Variants in LEPR observed in about 807,000 individuals in gnomAD.
LEPR encodes the protein OB receptor.
A neutral mutation model predicts 114.7 loss-of-function variants in LEPR; 56 were observed. That is an observed-to-expected ratio of 0.49 (90% CI 0.39 to 0.61). The LOEUF is 0.61. Among genes scored for constraint, LEPR ranks in the 20% least tolerant of loss-of-function variants. LEPR has a pLI of 0.00. For missense variants in LEPR, 1,202 were observed against 1,352.9 expected (o/e 0.89, Z 1.75); for synonymous variants, 443 against 461.4 (o/e 0.96, Z 0.51).
At chr1:65,505,578 A>G (rs1280970488) in intron 2 of LEPR, among the ~76,000 whole-genome samples, 4 of 151,968 alleles carry the variant, frequency 2.6e-5, no homozygotes, top group African/African-American at 7.3e-5. Flanking sequence ...GTTTTAACCC[A>G]AGTCTTTCCC....
At chr1:65,607,955 C>T (rs752512708) in intron 11 of LEPR, among the ~76,000 whole-genome samples, 2 of 152,170 alleles carry the variant, frequency 1.3e-5, no homozygotes, top group Non-Finnish European at 2.9e-5. Flanking sequence ...ATATACGTAT[C>T]TATTTTAAAA....
chr1:65,473,591 G>C (rs533456238), intron 2 of LEPR, among the ~76,000 whole-genome samples: 6 of 152,268 alleles, frequency 3.9e-5, no homozygotes, highest in African/African-American at 1.4e-4. Flanking sequence ...GATTTAGGTA[G>C]ATTTGACACC....
intron 2 of LEPR, chr1:65,431,841 T>G (rs1163900471): frequency 1.2e-6 from 2 of 1,614,012 alleles, no homozygotes; most frequent in Non-Finnish European, 1.7e-6. Context: ...TGGCAGGCAA[T>G]GCAGTCATTT....
intron 2 of LEPR, chr1:65,435,431 G>C (rs1250974169): frequency 1.5e-6 from 1 of 654,928 alleles, no homozygotes; most frequent in Non-Finnish European, 1.9e-6. Flanking sequence ...GCAGTGGTGC[G>C]ATCTTGGCTC....
chr1:65,520,377 T>A (rs1443893927), intron 2 of LEPR, among the ~76,000 whole-genome samples: 1 of 152,188 alleles, frequency 6.6e-6, no homozygotes, highest in Admixed American at 6.5e-5. Context: ...CCAAGAAATA[T>A]GCTTTTATTA....
In LEPR at chr1:65,596,511, C is replaced by T. The variant is rs761468512; in HGVS notation, c.767C>T (p.Ser256Phe). Residue 256 changes from serine to phenylalanine, a missense_variant, in exon 7 of 20, where the codon TCT (serine) becomes TTT (phenylalanine). Coordinates refer to ENST00000349533, the MANE Select transcript of LEPR (RefSeq NM_002303.6). ...EITDDGNLKI[S>F]WSSPPLVPFP... is the part of the protein sequence containing the mutation. ...ACAGATGATGGTAATTTAAAGATTT[C>T]TTGGTCCAGCCCACCATTGGTACCA... The T allele has an allele frequency of 6.2e-7, 1 of 1,612,824 alleles. No homozygotes were observed. The highest frequency in any genetic ancestry group is 8.5e-7 in the Non-Finnish European group (1 of 1,179,254).
Position 65,502,359 on chromosome 1 carries a change from G to A in LEPR, c.-20-63187G>A, listed in dbSNP as rs1648496805. Among the ~76,000 whole-genome samples the A allele has an allele frequency of 4.6e-5, 7 of 152,050 alleles. 1 individual carries two copies. In the South Asian group the frequency reaches 1.5e-3, roughly 32 times the overall value. Reference sequence around the variant, plus strand: ...GTTTTAGGAGAAACCAAGCCTGCTGGCACCTTGATCTTGGACTTTCAGCCC... The same window carrying A: ...GTTTTAGGAGAAACCAAGCCTGCTGACACCTTGATCTTGGACTTTCAGCCC... On this transcript the variant is annotated intron_variant, in intron 2 of 19. Transcript: ENST00000349533.
At chr1:65,451,408 TAGGTC>T (rs972428638) in intron 2 of LEPR, among the ~76,000 whole-genome samples, 1 of 152,088 alleles carries the variant, frequency 6.6e-6, no homozygotes, top group Non-Finnish European at 1.5e-5. Context: ...TTTATGGTTT[TAGGTC>T]TAATGTTTAA....
At chr1:65,433,362 G>T in intron 2 of LEPR, 1 of 985,332 alleles carries the variant, frequency 1.0e-6, no homozygotes. Context: ...TGAATCATTG[G>T]GTATACCTGT....
chr1:65,523,033 C>T (rs1649714031), intron 2 of LEPR, among the ~76,000 whole-genome samples: 1 of 152,108 alleles, frequency 6.6e-6, no homozygotes, highest in African/African-American at 2.4e-5. Context: ...AATATTGTGC[C>T]AGGTGAAATG....
rs374259872 is a variant in LEPR, at chr1:65,454,041, CTTCT to C, written c.-21+28666_-21+28669del. On this transcript the variant is annotated intron_variant, in intron 2 of 19. Transcript: ENST00000349533. ...GATCCCTTTACCATTATGTAATGGC[CTTCT>C]TTGTCTCTTTTGATCTTTGTTGGTT... Among the ~76,000 whole-genome samples, 25 of 151,252 alleles carry C rather than the reference CTTCT, an allele frequency of 1.7e-4. No individual in the cohort carries two copies. The East Asian group carries it at 4.5e-3, about 27-fold the overall frequency.
At chr1:65,580,717 A>G (rs551578396) in intron 5 of LEPR, among the ~76,000 whole-genome samples, 8 of 152,340 alleles carry the variant, frequency 5.3e-5, no homozygotes, top group African/African-American at 1.9e-4. Flanking sequence ...ATTCTGTGGT[A>G]AAAACAGAAG....
chr1:65,467,484 G>A (rs892881047), intron 2 of LEPR, among the ~76,000 whole-genome samples: 2 of 152,158 alleles, frequency 1.3e-5, no homozygotes, highest in African/African-American at 2.4e-5. Context: ...AAGGCTACAC[G>A]GGGGTCAGGG....
chr1:65,611,453 G>C (rs1657164344), intron 14 of LEPR, among the ~76,000 whole-genome samples: 1 of 152,288 alleles, frequency 6.6e-6, no homozygotes, highest in South Asian at 2.1e-4. Context: ...TATCTCCATG[G>C]GCACTGTTCC....
At chr1:65,492,499 T>C (rs1338930655) in intron 2 of LEPR, among the ~76,000 whole-genome samples, 1 of 152,082 alleles carries the variant, frequency 6.6e-6, no homozygotes, top group African/African-American at 2.4e-5. Context: ...ATCTTCTTAC[T>C]CAAGTCACTG....
At position 65,570,787 on chromosome 1, in the gene LEPR, G is replaced by GT; in HGVS notation, c.360dup (p.Gln121SerfsTer29). ...ATTTGTTTCAACAGTAAATTCTTTA[G>GT]TTTTTCAACAAATAGGTAAGCATTA... is the stretch of plus-strand genomic sequence containing the variant. On this transcript the variant is annotated frameshift_variant, in exon 4 of 20. Transcript: ENST00000349533. LOFTEE classifies it high-confidence loss of function. 1 of 1,556,552 alleles carries GT rather than the reference G, an allele frequency of 6.4e-7. No homozygotes were observed. Among genetic ancestry groups the GT allele is most frequent in the South Asian group, 1.2e-5 (1 of 80,596 alleles).
At chr1:65,556,809 T>C (rs1197116176) in intron 2 of LEPR, among the ~76,000 whole-genome samples, 1 of 152,118 alleles carries the variant, frequency 6.6e-6, no homozygotes, top group East Asian at 1.9e-4. Context: ...ATCTGGGACC[T>C]TGTAGTCCTG....
intron 2 of LEPR, among the ~76,000 whole-genome samples, chr1:65,454,666 G>A (rs1646841306): frequency 6.6e-6 from 1 of 152,116 alleles, no homozygotes; most frequent in Admixed American, 6.5e-5. Context: ...TTAGTCTGAT[G>A]GGCTTCCCTT....
At chr1:65,534,398 C>A (rs1650613182) in intron 2 of LEPR, among the ~76,000 whole-genome samples, 1 of 152,160 alleles carries the variant, frequency 6.6e-6, no homozygotes, top group Admixed American at 6.6e-5. Flanking sequence ...TCATTTAATA[C>A]TCTCTTGCCA....
Sources: gnomAD v4.1 joint callset for allele counts (sites outside exome capture counted in the v4.1 genomes callset) on GRCh38, gnomAD v4.1.1 for gene constraint, MANE v1.5 for transcripts, NCBI Gene and HGNC (gene_info 2026-07-23, HGNC 2026-07-21) for gene names.